The following FAM193A variants were observed in gnomAD, a reference collection of about 807,000 sequenced individuals.
The protein encoded by FAM193A is protein FAM193A.
In FAM193A, 22 loss-of-function variants were observed where a neutral mutation model predicts 126.5. The ratio of observed to expected loss-of-function variants is 0.17; its 90% CI spans 0.12 to 0.25. The LOEUF (loss-of-function observed/expected upper bound fraction) is 0.25, where lower values mean the gene tolerates loss of function less well. Ranked by LOEUF, FAM193A falls within the 10% of genes least tolerant of loss-of-function variation. The probability of loss-of-function intolerance (pLI) is 1.00; values close to 1 mark genes in which losing one functional copy is unlikely to be tolerated. For missense variants in FAM193A, 1,675 were observed against 1,672.8 expected (o/e 1.00, Z -0.02); for synonymous variants, 761 against 646.8 (o/e 1.18, Z -2.68).
intron 1 of FAM193A, among the ~76,000 whole-genome samples, chr4:2,570,396 A>C (rs938736114): frequency 2.0e-5 from 3 of 152,208 alleles, no homozygotes; most frequent in Non-Finnish European, 4.4e-5. Flanking sequence ...GTGCTAAAGA[A>C]GCAACTCTAA....
chr4:2,678,143 G>C (rs776144365), intron 13 of FAM193A, among the ~76,000 whole-genome samples: 1 of 151,494 alleles, frequency 6.6e-6, no homozygotes, highest in Non-Finnish European at 1.5e-5. Flanking sequence ...GTGCCACCAC[G>C]CTCAGCTAAT....
intron 4 of FAM193A, among the ~76,000 whole-genome samples, chr4:2,627,718 C>T (rs1343622337): frequency 6.6e-6 from 1 of 150,868 alleles, no homozygotes; most frequent in East Asian, 1.9e-4. Context: ...GCTGGGATTA[C>T]AGGCGCCTGC....
chr4:2,548,244 T>C (rs1476223062), intron 1 of FAM193A, among the ~76,000 whole-genome samples: 1 of 151,422 alleles, frequency 6.6e-6, no homozygotes, highest in Admixed American at 6.6e-5. Context: ...ACTAATTTGG[T>C]ATTTTTAGTA....
chr4:2,579,332 TG>T (rs1385974622), intron 1 of FAM193A, among the ~76,000 whole-genome samples: 7 of 150,428 alleles, frequency 4.7e-5, no homozygotes, highest in African/African-American at 1.7e-4. Context: ...CCATCTCTAC[TG>T]AAAAATACAA....
chr4:2,718,890 T>C (rs2109386273), intron 20 of FAM193A, among the ~76,000 whole-genome samples: 1 of 152,190 alleles, frequency 6.6e-6, no homozygotes, highest in Admixed American at 6.5e-5. Context: ...GCCTGAATGG[T>C]CCAGTAACTA....
At chr4:2,554,752 G>A (rs1419697266) in intron 1 of FAM193A, among the ~76,000 whole-genome samples, 1 of 152,118 alleles carries the variant, frequency 6.6e-6, no homozygotes, top group Non-Finnish European at 1.5e-5. Context: ...TATGTTTGAA[G>A]CTGTGTTTGA....
intron 1 of FAM193A, among the ~76,000 whole-genome samples, chr4:2,587,489 T>A (rs1237512910): frequency 2.0e-5 from 3 of 152,270 alleles, no homozygotes; most frequent in Non-Finnish European, 2.9e-5. Context: ...GCCCAGAAGT[T>A]CGAGACTAGC....
intron 13 of FAM193A, among the ~76,000 whole-genome samples, chr4:2,677,912 T>C (rs1245372996): frequency 5.9e-5 from 9 of 152,176 alleles, no homozygotes; most frequent in Non-Finnish European, 1.3e-4. Context: ...ATTCTAACAG[T>C]ATTGTCTTCT....
At chr4:2,593,694 A>G (rs911790856) in intron 1 of FAM193A, among the ~76,000 whole-genome samples, 1 of 152,096 alleles carries the variant, frequency 6.6e-6, no homozygotes, top group African/African-American at 2.4e-5. Context: ...GGCTCTTAAC[A>G]TTATGATTTT....
chr4:2,592,703 G>A (rs1740639681), intron 1 of FAM193A, among the ~76,000 whole-genome samples: 1 of 152,180 alleles, frequency 6.6e-6, no homozygotes, highest in Admixed American at 6.5e-5. Flanking sequence ...TTGAGACTTT[G>A]GGGAGGCCAA....
intron 19 of FAM193A, among the ~76,000 whole-genome samples, chr4:2,713,087 A>G (rs1408586805): frequency 6.5e-5 from 8 of 123,808 alleles, no homozygotes; most frequent in Admixed American, 2.6e-4. Context: ...CCTGGGCGAC[A>G]GAGCTAGACT....
At chr4:2,684,499 C>G (rs953534835) in intron 13 of FAM193A, among the ~76,000 whole-genome samples, 1 of 151,668 alleles carries the variant, frequency 6.6e-6, no homozygotes, top group Non-Finnish European at 1.5e-5. Context: ...CATCCAGATT[C>G]GTTTTCTGCT....
chr4:2,657,482 A>G (rs1711851517), intron 7 of FAM193A, among the ~76,000 whole-genome samples: 1 of 152,180 alleles, frequency 6.6e-6, no homozygotes, highest in Admixed American at 6.5e-5. Context: ...TTTCTAACAC[A>G]TTCAGGGCAC....
intron 1 of FAM193A, among the ~76,000 whole-genome samples, chr4:2,570,565 A>T (rs1739232884): frequency 6.6e-6 from 1 of 152,156 alleles, no homozygotes; most frequent in African/African-American, 2.4e-5. Flanking sequence ...TATAGGACAC[A>T]GCAGTAAAGG....
At chr4:2,666,011 C>G (rs922379363) in intron 12 of FAM193A, among the ~76,000 whole-genome samples, 1 of 152,112 alleles carries the variant, frequency 6.6e-6, no homozygotes, top group Non-Finnish European at 1.5e-5. Flanking sequence ...ATTGAGCTAG[C>G]TGGAAACTCA....
intron 2 of FAM193A, among the ~76,000 whole-genome samples, chr4:2,597,841 A>G (rs1740956254): frequency 6.6e-6 from 1 of 152,076 alleles, no homozygotes; most frequent in Admixed American, 6.6e-5. Context: ...ATCACCCCAT[A>G]AAATCCCCTT....
chr4:2,631,023 C>A lies in FAM193A; in HGVS notation c.892C>A (p.Arg298=). Residue 298 remains arginine (R), a synonymous_variant, in exon 5 of 21, where the codon CGG becomes AGG. Transcript: ENST00000637812. ...GCTGGAGATGAAGGTCCGCCTGCTC[C>A]GGCAGCTGTCGGCTGCGGCCAAGGT... The part of the protein sequence containing the change: ...YVLEMKVRLL[R]QLSAAAKVKA... The A allele has an allele frequency of 1.9e-6, 3 of 1,613,576 alleles. No individual in the cohort carries two copies. The highest frequency in any genetic ancestry group is 2.5e-6 in the Non-Finnish European group (3 of 1,180,028).
At chr4:2,561,799 G>C (rs1393240744) in intron 1 of FAM193A, among the ~76,000 whole-genome samples, 3 of 152,080 alleles carry the variant, frequency 2.0e-5, no homozygotes, top group African/African-American at 7.2e-5. Flanking sequence ...ACCCGGCTGA[G>C]ATTTCTGATG....
intron 1 of FAM193A, among the ~76,000 whole-genome samples, chr4:2,589,735 A>G (rs1443781207): frequency 2.6e-5 from 4 of 152,220 alleles, no homozygotes; most frequent in Admixed American, 6.5e-5. Context: ...GAACCTGCAT[A>G]TGCTTTGGGA....
Sources: allele counts gnomAD v4.1 joint callset (sites outside exome capture counted in the v4.1 genomes callset), GRCh38; gene constraint gnomAD v4.1.1; transcripts MANE v1.5; gene names NCBI Gene and HGNC (gene_info 2026-07-23, HGNC 2026-07-21).